Variants in RARB observed in about 807,000 individuals in gnomAD.
The protein encoded by RARB is HBV-activated protein.
Under a neutral mutation model 51.9 loss-of-function variants are expected in RARB, and 17 were observed. The ratio of observed to expected loss-of-function variants is 0.33; its 90% CI spans 0.22 to 0.49. The LOEUF (loss-of-function observed/expected upper bound fraction) is 0.49. Among genes scored for constraint, RARB ranks in the 20% least tolerant of loss-of-function variants. The pLI is 0.99. For synonymous variants in RARB, 215 were observed against 195.4 expected, an observed-to-expected ratio of 1.10 and a Z score of -0.84; for missense variants, 369 against 550.8, an observed-to-expected ratio of 0.67 and a Z score of 3.30.
At chr3:25,195,887 T>C (rs1040673913) in intron 5 of RARB, among the ~76,000 whole-genome samples, 1 of 152,020 alleles carries the variant, frequency 6.6e-6, no homozygotes, top group South Asian at 2.1e-4. Flanking sequence ...TGTAATCTGT[T>C]AATTTCCTGG....
At chr3:25,112,506 G>C (rs1699619562) in intron 3 of RARB, among the ~76,000 whole-genome samples, 2 of 152,058 alleles carry the variant, frequency 1.3e-5, no homozygotes, top group Non-Finnish European at 2.9e-5. Flanking sequence ...GCCAGGAGTG[G>C]TGGCTCATAC....
chr3:25,035,425 T>C (rs1697971443), intron 2 of RARB, among the ~76,000 whole-genome samples: 1 of 15,568 alleles, frequency 6.4e-5, no homozygotes. Context: ...TCCAGCCTTT[T>C]TTTTTTTTTT....
At chr3:25,160,609 G>A (rs1700458765) in intron 4 of RARB, among the ~76,000 whole-genome samples, 1 of 152,158 alleles carries the variant, frequency 6.6e-6, no homozygotes, top group Non-Finnish European at 1.5e-5. Context: ...CTCTTGATTA[G>A]GTCCTCTAAG....
At chr3:25,573,690 A>G (rs891250308) in intron 4 of RARB, among the ~76,000 whole-genome samples, 9 of 152,206 alleles carry the variant, frequency 5.9e-5, no homozygotes, top group Non-Finnish European at 7.3e-5. Flanking sequence ...GCATTTTTAA[A>G]AAGAGCTTTT....
intron 4 of RARB, among the ~76,000 whole-genome samples, chr3:25,164,043 G>A (rs992860597): frequency 6.6e-6 from 1 of 152,108 alleles, no homozygotes; most frequent in Non-Finnish European, 1.5e-5. Context: ...CAGAGGTGTA[G>A]GTCAGGGTTG....
intron 5 of RARB, among the ~76,000 whole-genome samples, chr3:25,227,516 C>T (rs574085424): frequency 1.2e-4 from 18 of 152,036 alleles, no homozygotes; most frequent in Admixed American, 6.6e-5. Flanking sequence ...CAGATATTCT[C>T]TATATTGGTA....
chr3:25,144,241 A>T (rs1700153972), intron 4 of RARB, among the ~76,000 whole-genome samples: 2 of 152,122 alleles, frequency 1.3e-5, no homozygotes, highest in Non-Finnish European at 2.9e-5. Context: ...GTACTTAAAA[A>T]CCTTCTAGAC....
intron 3 of RARB, among the ~76,000 whole-genome samples, chr3:25,062,035 T>C (rs1016032330): frequency 6.6e-6 from 1 of 151,634 alleles, no homozygotes; most frequent in Admixed American, 6.6e-5. Context: ...CAAGAATCAA[T>C]GATGGGAAAC....
intron 2 of RARB, among the ~76,000 whole-genome samples, chr3:25,056,875 T>G (rs1698452195): frequency 6.6e-6 from 1 of 152,090 alleles, no homozygotes; most frequent in African/African-American, 2.4e-5. Context: ...GAGAAAAAAT[T>G]CCTTAATGAC....
At chr3:25,454,059 C>T (rs1449459640) in intron 1 of RARB, among the ~76,000 whole-genome samples, 1 of 152,212 alleles carries the variant, frequency 6.6e-6, no homozygotes, top group African/African-American at 2.4e-5. Context: ...AGATCCTCTC[C>T]TGAAAAGGCG....
intron 2 of RARB, among the ~76,000 whole-genome samples, chr3:24,933,952 T>C (rs549086922): frequency 2.6e-5 from 4 of 152,262 alleles, no homozygotes; most frequent in Admixed American, 2.0e-4. Flanking sequence ...CTGTATACAT[T>C]CTAATAAGAG....
At chr3:25,314,284 A>G (rs1235126832) in intron 5 of RARB, among the ~76,000 whole-genome samples, 4 of 152,214 alleles carry the variant, frequency 2.6e-5, no homozygotes, top group Non-Finnish European at 4.4e-5. Flanking sequence ...ACAGTTTTCT[A>G]TAGGAAAAGC....
intron 5 of RARB, among the ~76,000 whole-genome samples, chr3:25,339,724 G>A (rs1705168087): frequency 6.6e-6 from 1 of 151,972 alleles, no homozygotes; most frequent in South Asian, 2.1e-4. Context: ...TGGTTTGGAT[G>A]TTAAGAGTCA....
chr3:25,062,431 AC>A (rs900234727), intron 3 of RARB, among the ~76,000 whole-genome samples: 3 of 151,978 alleles, frequency 2.0e-5, no homozygotes, highest in Middle Eastern at 3.4e-3. Flanking sequence ...ATCTATTAAA[AC>A]TTTAATTATA....
rs112633349 is a variant in RARB at position 25,171,012 on chromosome 3, CT to C, written c.-279-3097del. ...CTATACCGACAATTATTATTTTAAT[CT>C]TTTTTTTTTCATTTAGTATGTTCTT... On this transcript the variant is annotated intron_variant, in intron 4 of 11. Transcript: ENST00000383772. 4.9e-3 allele frequency among the ~76,000 whole-genome samples: 736 copies of C among 149,522 alleles called. 8 individuals are homozygous for C. The highest frequency in any genetic ancestry group is 0.017 in the African/African-American group (680 of 40,852).
intron 3 of RARB, among the ~76,000 whole-genome samples, chr3:25,068,679 C>T (rs1326345219): frequency 1.3e-5 from 2 of 152,048 alleles, no homozygotes; most frequent in East Asian, 3.9e-4. Flanking sequence ...CTTATATGTC[C>T]TATGGTGCAG....
At chr3:25,544,947 T>TTTGTTG (rs10674681) in intron 3 of RARB, among the ~76,000 whole-genome samples, 3,249 of 151,816 alleles carry the variant, frequency 0.021, 97 homozygotes, top group African/African-American at 0.071. Flanking sequence ...GTCTGTACAT[T>TTTGTTG]TTGTTGTTGT....
At chr3:25,400,675 A>T (rs1413709434) in intron 5 of RARB, among the ~76,000 whole-genome samples, 3 of 152,160 alleles carry the variant, frequency 2.0e-5, no homozygotes, top group Non-Finnish European at 2.9e-5. Flanking sequence ...ATTCATTTGA[A>T]AACCCTAATA....
At chr3:25,362,670 G>A (rs1705983104) in intron 5 of RARB, among the ~76,000 whole-genome samples, 1 of 152,214 alleles carries the variant, frequency 6.6e-6, no homozygotes, top group African/African-American at 2.4e-5. Context: ...TATCTGGGCA[G>A]GAGTGCACCA....
Sources: gnomAD v4.1 joint callset for allele counts (sites outside exome capture counted in the v4.1 genomes callset) on GRCh38, gnomAD v4.1.1 for gene constraint, MANE v1.5 for transcripts, NCBI Gene and HGNC (gene_info 2026-07-23, HGNC 2026-07-21) for gene names.